SMAD3: variants seen among roughly 807,000 people sequenced by gnomAD.
SMAD3 encodes SMAD family member 3.
In SMAD3, 12 loss-of-function variants were observed where a neutral mutation model predicts 51.8. The ratio of observed to expected loss-of-function variants is 0.23; its 90% CI spans 0.15 to 0.38. The LOEUF (loss-of-function observed/expected upper bound fraction) is 0.38. SMAD3 is among the 10% of genes least tolerant of loss of function. The probability of loss-of-function intolerance (pLI) is 1.00; values close to 1 mark genes in which losing one functional copy is unlikely to be tolerated. For synonymous variants in SMAD3, 238 were observed against 227.7 expected (o/e 1.05, Z -0.41); for missense variants, 294 against 565.6 (o/e 0.52, Z 4.87).
chr15:67,066,959 C>T (rs947025690), intron 1 of SMAD3, among the ~76,000 whole-genome samples: 1 of 152,046 alleles, frequency 6.6e-6, no homozygotes, highest in East Asian at 1.9e-4. Flanking sequence ...CTCGGTTGTG[C>T]CAGTCTCCCG....
rs139073478 is a variant in SMAD3 at position 67,142,202 on chromosome 15, C to CCCA, written c.207-22691_207-22690insACC. ...CTTTTGTGTGTCTCCTCCCCACACCCCCCCCACCATTGTTTCTAGAACTGT... is the reference window on the plus strand; with the variant it reads ...CTTTTGTGTGTCTCCTCCCCACACCCCCACCCCCACCATTGTTTCTAGAACTGT... On this transcript the variant is annotated intron_variant, in intron 1 of 8. Coordinates refer to ENST00000327367, the MANE Select transcript of SMAD3 (RefSeq NM_005902.4). Among the ~76,000 whole-genome samples, 203 of 150,556 alleles carry CCCA rather than the reference C, an allele frequency of 1.3e-3. 10 individuals carry two copies. In the East Asian group the frequency reaches 0.034, roughly 25 times the overall value.
At chr15:67,131,183 A>G (rs1053346858) in intron 1 of SMAD3, among the ~76,000 whole-genome samples, 1 of 152,082 alleles carries the variant, frequency 6.6e-6, no homozygotes, top group Non-Finnish European at 1.5e-5. Context: ...TTCTCTGAGG[A>G]CCCGCGGCTT....
intron 4 of SMAD3, among the ~76,000 whole-genome samples, chr15:67,168,063 C>T (rs1281477038): frequency 1.3e-5 from 2 of 152,200 alleles, no homozygotes; most frequent in Non-Finnish European, 2.9e-5. Context: ...AAGCTATTAT[C>T]CTGCCTCAGC....
chr15:67,158,994 A>T (rs576757720), intron 1 of SMAD3, among the ~76,000 whole-genome samples: 13 of 152,142 alleles, frequency 8.5e-5, no homozygotes, highest in Middle Eastern at 3.4e-3. Flanking sequence ...CTCTTTTTTT[A>T]AAAAAATTGG....
chr15:67,075,016 ATTT>A (rs150557456), intron 1 of SMAD3, among the ~76,000 whole-genome samples: 1 of 147,726 alleles, frequency 6.8e-6, no homozygotes, highest in South Asian at 2.1e-4. Flanking sequence ...AGGTGTCACC[ATTT>A]TTTTTTTCTT....
At chr15:67,167,515 C>T (rs1962624687) in intron 4 of SMAD3, among the ~76,000 whole-genome samples, 1 of 152,138 alleles carries the variant, frequency 6.6e-6, no homozygotes, top group Admixed American at 6.5e-5. Context: ...GAGATGTCAC[C>T]AGCAGCAGGG....
At chr15:67,088,218 G>A (rs1960435066) in intron 1 of SMAD3, among the ~76,000 whole-genome samples, 1 of 152,178 alleles carries the variant, frequency 6.6e-6, no homozygotes, top group African/African-American at 2.4e-5. Context: ...CCTGGAGCCC[G>A]TGGCCCAGAA....
chr15:67,112,490 T>G (rs1961041271), intron 1 of SMAD3, among the ~76,000 whole-genome samples: 1 of 133,502 alleles, frequency 7.5e-6, no homozygotes, highest in South Asian at 2.6e-4. Context: ...GTCTTTCTAC[T>G]GTTGAATTAT....
chr15:67,175,659 C>T (rs752568032), intron 5 of SMAD3, among the ~76,000 whole-genome samples: 15 of 152,192 alleles, frequency 9.9e-5, no homozygotes, highest in Admixed American at 4.6e-4. Flanking sequence ...CAAGTTGCCC[C>T]GTGAGTCAGG....
At chr15:67,137,412 AC>A (rs988831684) in intron 1 of SMAD3, among the ~76,000 whole-genome samples, 3 of 152,154 alleles carry the variant, frequency 2.0e-5, no homozygotes, top group Non-Finnish European at 2.9e-5. Flanking sequence ...TGTGCATTTT[AC>A]CACAAAATTT....
intron 4 of SMAD3, 82 bp from the exon 5 acceptor site, chr15:67,170,472 C>G (rs1257598690): frequency 2.6e-6 from 3 of 1,157,800 alleles, no homozygotes; most frequent in African/African-American, 3.0e-5. Context: ...GGCTACCCCT[C>G]CTTGATATGT....
In SMAD3 at chr15:67,191,466, T is replaced by A. The variant is rs993543225; in HGVS notation, c.*930T>A. On this transcript the variant is annotated 3_prime_UTR_variant, in exon 9 of 9. Coordinates refer to ENST00000327367, the MANE Select transcript of SMAD3 (RefSeq NM_005902.4). ...CTCCAGATTCTGATGCATACGGCTATATTGGTTTATGTAGTCAGTTGCATT... is the reference window on the plus strand; with the variant it reads ...CTCCAGATTCTGATGCATACGGCTAAATTGGTTTATGTAGTCAGTTGCATT... 3 of 233,450 alleles carry A rather than the reference T, an allele frequency of 1.3e-5. No homozygotes were observed. Among genetic ancestry groups the A allele is most frequent in the South Asian group, 3.6e-4 (2 of 5,528 alleles). 14.5% of individuals were successfully genotyped at this position (233,450 alleles called of 1,614,324 possible).
chr15:67,118,852 C>CTT (rs1225036704), intron 1 of SMAD3, among the ~76,000 whole-genome samples: 2 of 152,178 alleles, frequency 1.3e-5, no homozygotes, highest in African/African-American at 4.8e-5. Context: ...AACTTTTCCT[C>CTT]TTTGTGTCCC....
intron 1 of SMAD3, among the ~76,000 whole-genome samples, chr15:67,096,846 G>T (rs1960625730): frequency 6.6e-6 from 1 of 152,204 alleles, no homozygotes; most frequent in African/African-American, 2.4e-5. Flanking sequence ...GTGAGCATGT[G>T]TGCTTGCTCT....
Position 67,066,379 on chromosome 15 carries a change from G to T in SMAD3, c.206+19G>T. 6.2e-7 allele frequency: 1 copy of T among 1,603,360 alleles called. No individual in the cohort carries two copies. Among genetic ancestry groups the T allele is most frequent in the South Asian group, 1.1e-5 (1 of 90,438 alleles). On this transcript the variant is annotated intron_variant, in intron 1 of 8. Coordinates refer to ENST00000327367, the MANE Select transcript of SMAD3 (RefSeq NM_005902.4). The stretch of plus-strand genomic sequence containing the variant: ...TCCCCAGGTGGGGGCCCGCCCGGGG[G>T]GGACCCGGGGTCACGCCGGCCCAGC...
chr15:67,186,273 C>T (rs1430704246), intron 7 of SMAD3, among the ~76,000 whole-genome samples: 1 of 151,964 alleles, frequency 6.6e-6, no homozygotes, highest in Non-Finnish European at 1.5e-5. Flanking sequence ...GTTCCACCAC[C>T]CTTGTCCTTG....
intron 6 of SMAD3, among the ~76,000 whole-genome samples, chr15:67,184,234 T>TAGG (rs1204173457): frequency 6.6e-6 from 1 of 151,398 alleles, no homozygotes; most frequent in Non-Finnish European, 1.5e-5. Flanking sequence ...CCCAAGCAGC[T>TAGG]AGGACTACAA....
At chr15:67,146,855 C>T (rs1045212085) in intron 1 of SMAD3, 4 of 152,198 alleles carry the variant, frequency 2.6e-5, no homozygotes, top group East Asian at 3.9e-4. Flanking sequence ...CAGGGAAACT[C>T]GGAAGTAGCG....
At chr15:67,107,689 C>T (rs60081119) in intron 1 of SMAD3, among the ~76,000 whole-genome samples, 1,860 of 152,342 alleles carry the variant, frequency 0.012, 40 homozygotes, top group African/African-American at 0.042. Context: ...CTCCACTTCC[C>T]TTCCCTGCCC....
Sources: gnomAD v4.1 joint callset for allele counts (sites outside exome capture counted in the v4.1 genomes callset) on GRCh38, gnomAD v4.1.1 for gene constraint, MANE v1.5 for transcripts, NCBI Gene and HGNC (gene_info 2026-07-23, HGNC 2026-07-21) for gene names.